LPP: variants seen among roughly 807,000 people sequenced by gnomAD.
The protein encoded by LPP is LIM domain containing preferred translocation partner in lipoma, also known as lipoma-preferred partner.
In LPP, 38 loss-of-function variants were observed where a neutral mutation model predicts 60.4. That is an observed-to-expected ratio of 0.63 (90% confidence interval 0.49 to 0.83). The LOEUF is 0.83. Among genes scored for constraint, LPP ranks in the 40% least tolerant of loss-of-function variants. The probability of loss-of-function intolerance (pLI) is 0.00; values close to 1 mark genes in which losing one functional copy is unlikely to be tolerated. For missense variants in LPP, 902 were observed against 783.6 expected, an observed-to-expected ratio of 1.15 and a Z score of -1.80; for synonymous variants, 328 against 290.8, an observed-to-expected ratio of 1.13 and a Z score of -1.30.
At chr3:188,659,955 T>C (rs138873405) in intron 7 of LPP, among the ~76,000 whole-genome samples, 12 of 152,088 alleles carry the variant, frequency 7.9e-5, no homozygotes, top group African/African-American at 2.9e-4. Flanking sequence ...GTTTTCACTT[T>C]ATGTGTAACA....
At chr3:188,519,507 A>G (rs574176428) in intron 5 of LPP, among the ~76,000 whole-genome samples, 1 of 152,346 alleles carries the variant, frequency 6.6e-6, no homozygotes, top group South Asian at 2.1e-4. Flanking sequence ...GTGAAAATTA[A>G]CAGTAGATAA....
At chr3:188,623,505 G>A (rs938789132) in intron 7 of LPP, among the ~76,000 whole-genome samples, 5 of 152,048 alleles carry the variant, frequency 3.3e-5, no homozygotes, top group Non-Finnish European at 5.9e-5. Flanking sequence ...TGGCCCACCC[G>A]CCTTGGCCCC....
chr3:188,483,354 C>A (rs1198318952), intron 4 of LPP, among the ~76,000 whole-genome samples: 1 of 152,178 alleles, frequency 6.6e-6, no homozygotes, highest in Non-Finnish European at 1.5e-5. Flanking sequence ...AGGGCCTAAA[C>A]TGTGATGTTT....
At position 188,566,688 on chromosome 3, in the gene LPP, T is replaced by C. The variant is rs1832253337; in HGVS notation, c.429+41901T>C. Among the ~76,000 whole-genome samples the C allele has an allele frequency of 2.0e-5, 3 of 151,878 alleles. No individual in the cohort carries two copies. The South Asian group carries it at 6.2e-4, about 31-fold the overall frequency. ...CTAATCATATACGAGAAGCTAACAA[T>C]CTATGCTTGAGTTGTGTGTTTTTTA... On this transcript the variant is annotated intron_variant, in intron 6 of 11. Transcript: ENST00000617246.
At chr3:188,280,991 A>G (rs113455006) in intron 2 of LPP, among the ~76,000 whole-genome samples, 52 of 150,206 alleles carry the variant, frequency 3.5e-4, no homozygotes, top group African/African-American at 1.2e-3. Context: ...CTGGAGTGCA[A>G]TGGTGCAATA....
chr3:188,354,808 C>T (rs939362350), intron 3 of LPP, among the ~76,000 whole-genome samples: 3 of 117,282 alleles, frequency 2.6e-5, no homozygotes, highest in East Asian at 5.2e-4. Flanking sequence ...TGAACACACA[C>T]ACGCGCGTGC....
chr3:188,445,511 A>T (rs1393091597), intron 4 of LPP, among the ~76,000 whole-genome samples: 1 of 152,144 alleles, frequency 6.6e-6, no homozygotes, highest in African/African-American at 2.4e-5. Context: ...CTAGGGAGGG[A>T]TAGCATTAGG....
At chr3:188,629,534 A>G (rs1027532199) in intron 7 of LPP, among the ~76,000 whole-genome samples, 2 of 152,158 alleles carry the variant, frequency 1.3e-5, no homozygotes, top group African/African-American at 4.8e-5. Context: ...GATCTCTATA[A>G]TGAGAATTAT....
At chr3:188,355,399 G>A (rs1767311119) in intron 3 of LPP, among the ~76,000 whole-genome samples, 1 of 152,078 alleles carries the variant, frequency 6.6e-6, no homozygotes, top group South Asian at 2.1e-4. Context: ...CACTTACTGG[G>A]ACTTTTCAGA....
chr3:188,175,511 T>C (rs1722816043), intron 1 of LPP, among the ~76,000 whole-genome samples: 1 of 152,226 alleles, frequency 6.6e-6, no homozygotes, highest in South Asian at 2.1e-4. Flanking sequence ...CATTTGTTGA[T>C]AGTTAACACA....
intron 9 of LPP, among the ~76,000 whole-genome samples, chr3:188,849,407 T>C (rs925851211): frequency 3.3e-5 from 5 of 152,226 alleles, no homozygotes; most frequent in African/African-American, 1.2e-4. Context: ...CTAGGACTAG[T>C]ATCCTATTTC....
intron 9 of LPP, among the ~76,000 whole-genome samples, chr3:188,797,476 G>T (rs1373854296): frequency 6.6e-6 from 1 of 152,188 alleles, no homozygotes; most frequent in African/African-American, 2.4e-5. Context: ...AGATACAGAA[G>T]AGTTGGAGAG....
At chr3:188,806,249 C>G (rs1339028146) in intron 9 of LPP, among the ~76,000 whole-genome samples, 1 of 151,774 alleles carries the variant, frequency 6.6e-6, no homozygotes, top group Non-Finnish European at 1.5e-5. Flanking sequence ...TATTTTGAAG[C>G]CATACTGTTA....
intron 1 of LPP, among the ~76,000 whole-genome samples, chr3:188,218,954 T>A (rs1714738631): frequency 6.6e-6 from 1 of 151,492 alleles, no homozygotes; most frequent in South Asian, 2.1e-4. Flanking sequence ...GCCTGGGGAA[T>A]ACAGCTCAAT....
At chr3:188,381,348 G>C (rs73050743) in intron 3 of LPP, among the ~76,000 whole-genome samples, 1,714 of 151,482 alleles carry the variant, frequency 0.011, 31 homozygotes, top group African/African-American at 0.038. Context: ...CTTTCTTCCT[G>C]CTTTTCCTTT....
intron 4 of LPP, among the ~76,000 whole-genome samples, chr3:188,450,039 G>A (rs553399675): frequency 7.2e-5 from 11 of 152,204 alleles, no homozygotes; most frequent in South Asian, 4.1e-4. Context: ...TCCTGACCTC[G>A]TGATCCGCCC....
At chr3:188,678,246 A>G (rs1411544123) in intron 7 of LPP, among the ~76,000 whole-genome samples, 1 of 152,238 alleles carries the variant, frequency 6.6e-6, no homozygotes, top group Non-Finnish European at 1.5e-5. Flanking sequence ...GAATGAGCAG[A>G]TGAGGATGCT....
intron 4 of LPP, among the ~76,000 whole-genome samples, chr3:188,408,018 C>A (rs888108303): frequency 6.6e-6 from 1 of 152,012 alleles, no homozygotes; most frequent in South Asian, 2.1e-4. Context: ...GAACTCCTGA[C>A]CTCAGGTGAT....
intron 7 of LPP, among the ~76,000 whole-genome samples, chr3:188,652,551 A>G (rs996836217): frequency 6.6e-6 from 1 of 152,002 alleles, no homozygotes; most frequent in Non-Finnish European, 1.5e-5. Context: ...TGCAAAAAAA[A>G]CCCTTTTCTC....
Sources: gnomAD v4.1 joint callset for allele counts (sites outside exome capture counted in the v4.1 genomes callset) on GRCh38, gnomAD v4.1.1 for gene constraint, MANE v1.5 for transcripts, NCBI Gene and HGNC (gene_info 2026-07-23, HGNC 2026-07-21) for gene names.